Variants in PLXNC1 observed in about 807,000 individuals in gnomAD.
PLXNC1 encodes the protein plexin-C1.
A neutral mutation model predicts 178.2 loss-of-function variants in PLXNC1; 75 were observed. The ratio of observed to expected loss-of-function variants is 0.42; its 90% CI spans 0.35 to 0.51. The LOEUF is 0.51. Among genes scored for constraint, PLXNC1 ranks in the 20% least tolerant of loss-of-function variants. The pLI, the probability that PLXNC1 is intolerant of heterozygous loss-of-function variation, is 0.02. For missense variants in PLXNC1, 1,503 were observed against 1,984.4 expected (o/e 0.76, Z 4.61); for synonymous variants, 790 against 779.9 (o/e 1.01, Z -0.22).
intron 5 of PLXNC1, among the ~76,000 whole-genome samples, chr12:94,212,534 T>C (rs892723611): frequency 6.9e-6 from 1 of 145,386 alleles, no homozygotes; most frequent in African/African-American, 2.6e-5. Context: ...GACCAAGTGA[T>C]CTCATTGTTC....
intron 1 of PLXNC1, among the ~76,000 whole-genome samples, chr12:94,155,963 G>A (rs1288656930): frequency 3.3e-5 from 5 of 152,166 alleles, no homozygotes; most frequent in Admixed American, 3.3e-4. Context: ...TGGTAATCTA[G>A]GAATAAAAGC....
intron 28 of PLXNC1, among the ~76,000 whole-genome samples, chr12:94,301,684 A>C (rs192210319): frequency 6.6e-6 from 1 of 152,176 alleles, no homozygotes; most frequent in African/African-American, 2.4e-5. Flanking sequence ...ACTGAGGAGG[A>C]GTTCTTGGGC....
chr12:94,213,964 T>A (rs1238063930), intron 5 of PLXNC1, among the ~76,000 whole-genome samples: 2 of 151,970 alleles, frequency 1.3e-5, no homozygotes, highest in Non-Finnish European at 2.9e-5. Context: ...CCTCCCAGGT[T>A]CAAGCGATTC....
intron 7 of PLXNC1, among the ~76,000 whole-genome samples, chr12:94,226,273 G>A (rs1963936781): frequency 6.6e-6 from 1 of 152,130 alleles, no homozygotes; most frequent in African/African-American, 2.4e-5. Context: ...GGCGGGGAGA[G>A]AGAGAGATCC....
intron 4 of PLXNC1, 83 bp from the exon 5 acceptor site, chr12:94,209,507 A>G: frequency 1.3e-6 from 1 of 773,260 alleles, no homozygotes; most frequent in Non-Finnish European, 2.3e-6. Context: ...AAGTATAAGA[A>G]AGTTTTAACT....
rs1416705821 is a variant in PLXNC1, at chr12:94,177,774, C to T, written c.1204-3672C>T. ...ATGCTCCAAGAGTAAATAAAATAAG[C>T]CCCCAATAAAAACTGCAGTGCAGCT... On this transcript the variant is annotated intron_variant, in intron 2 of 30. Transcript: ENST00000258526. Among the ~76,000 whole-genome samples, 5 of 152,094 alleles carry T rather than the reference C, an allele frequency of 3.3e-5. No homozygotes were observed. The East Asian group carries it at 9.6e-4, about 29-fold the overall frequency.
At chr12:94,242,211 C>A (rs1197247050) in intron 11 of PLXNC1, among the ~76,000 whole-genome samples, 1 of 151,838 alleles carries the variant, frequency 6.6e-6, no homozygotes, top group Non-Finnish European at 1.5e-5. Flanking sequence ...TTGGTTTCTC[C>A]TGAGGCCCTT....
intron 22 of PLXNC1, chr12:94,281,894 G>C: frequency 5.1e-6 from 1 of 197,454 alleles, no homozygotes; most frequent in Non-Finnish European, 1.1e-5. Context: ...TGGGACCTTC[G>C]CACACTGATG....
At chr12:94,201,101 A>C (rs1272493265) in intron 4 of PLXNC1, among the ~76,000 whole-genome samples, 1 of 152,176 alleles carries the variant, frequency 6.6e-6, no homozygotes, top group East Asian at 1.9e-4. Context: ...ATGAGGGTCT[A>C]CTCTGATGAA....
intron 24 of PLXNC1, among the ~76,000 whole-genome samples, chr12:94,295,841 T>C (rs2136209253): frequency 6.6e-6 from 1 of 152,290 alleles, no homozygotes; most frequent in African/African-American, 2.4e-5. Flanking sequence ...AATGTCTGCC[T>C]TCTCTCCTCA....
chr12:94,285,109 A>C (rs548394779), intron 23 of PLXNC1, among the ~76,000 whole-genome samples: 1 of 139,272 alleles, frequency 7.2e-6, no homozygotes, highest in Non-Finnish European at 1.6e-5. Context: ...GGGGTCAAAG[A>C]TATCAGTTGG....
chr12:94,273,997 C>T (rs2136113344), intron 21 of PLXNC1, among the ~76,000 whole-genome samples: 1 of 151,952 alleles, frequency 6.6e-6, no homozygotes, highest in South Asian at 2.1e-4. Flanking sequence ...GCTGCCACCG[C>T]TCCAAGCGCT....
chr12:94,307,166 G>GAGTT lies in PLXNC1; in HGVS notation c.*1883_*1886dup, dbSNP rs1252684978. 2.6e-5 allele frequency: 4 copies of GAGTT among 152,202 alleles called. No homozygotes were observed. The highest frequency in any genetic ancestry group is 4.8e-5 in the African/African-American group (2 of 41,444). The allele number at this position is 152,202 out of a possible 1,614,324, so 9.4% of individuals were successfully genotyped here. A position where few individuals can be genotyped will look rare whatever the true frequency, so the allele number is the denominator to read the frequency against. On this transcript the variant is annotated 3_prime_UTR_variant, in exon 31 of 31. Coordinates refer to ENST00000258526, the MANE Select transcript of PLXNC1 (RefSeq NM_005761.3). ...TTCTGGCACATGAGTCCTGTGTGGA[G>GAGTT]AGTTACCTCCTCTTCCAGGGACTGT... is the stretch of plus-strand genomic sequence containing the variant.
chr12:94,251,581 C>G (rs145872101), intron 15 of PLXNC1, 53 bp downstream of exon 15: 4 of 1,156,218 alleles, frequency 3.5e-6, no homozygotes, highest in Non-Finnish European at 1.3e-6. Context: ...GGCCTCTCGC[C>G]GGGCAGGCAG....
At chr12:94,247,090 TAGAG>T (rs1565828613) in intron 12 of PLXNC1, among the ~76,000 whole-genome samples, 1 of 152,098 alleles carries the variant, frequency 6.6e-6, no homozygotes, top group Non-Finnish European at 1.5e-5. Flanking sequence ...TTTATATATA[TAGAG>T]AGAGACAGGG....
chr12:94,206,764 A>G (rs897382366), intron 4 of PLXNC1, among the ~76,000 whole-genome samples: 2 of 152,154 alleles, frequency 1.3e-5, no homozygotes, highest in African/African-American at 4.8e-5. Flanking sequence ...TCCAAATCCA[A>G]TTTTCCTCCT....
intron 9 of PLXNC1, among the ~76,000 whole-genome samples, chr12:94,237,443 A>G (rs1964271632): frequency 6.6e-6 from 1 of 152,222 alleles, no homozygotes; most frequent in Non-Finnish European, 1.5e-5. Flanking sequence ...TTGTGAGACA[A>G]AGACTAATTG....
intron 20 of PLXNC1, among the ~76,000 whole-genome samples, chr12:94,263,374 G>A (rs1331377801): frequency 6.6e-6 from 1 of 152,210 alleles, no homozygotes; most frequent in Admixed American, 6.5e-5. Flanking sequence ...AGCATGGGCA[G>A]AGTGTAGGGC....
chr12:94,287,682 A>C (rs1966866947), intron 23 of PLXNC1, among the ~76,000 whole-genome samples: 1 of 152,336 alleles, frequency 6.6e-6, no homozygotes, highest in Non-Finnish European at 1.5e-5. Context: ...AGATATTTAA[A>C]GCTCATAGGA....
Sources: gnomAD v4.1 joint callset for allele counts (sites outside exome capture counted in the v4.1 genomes callset) on GRCh38, gnomAD v4.1.1 for gene constraint, MANE v1.5 for transcripts, NCBI Gene and HGNC (gene_info 2026-07-23, HGNC 2026-07-21) for gene names.